The following SCN9A variants were observed in gnomAD, a reference collection of about 807,000 sequenced individuals.
The protein encoded by SCN9A is sodium channel protein type 9 subunit alpha.
SCN9A carries 131 observed loss-of-function variants against 187.0 expected under a neutral mutation model. That is an observed-to-expected ratio of 0.70 (90% CI 0.61 to 0.81). The LOEUF is 0.81. Among genes scored for constraint, SCN9A ranks in the 30% least tolerant of loss-of-function variants. The pLI is 0.00. For synonymous variants in SCN9A, 809 were observed against 808.6 expected, an observed-to-expected ratio of 1.00 and a Z score of -0.01; for missense variants, 2,252 against 2,396.6, an observed-to-expected ratio of 0.94 and a Z score of 1.26.
Position 166,286,426 on chromosome 2 carries a change from T to C in SCN9A, c.1512A>G (p.Glu504=), listed in dbSNP as rs1559012420. ...KGDAEKLSKS[E]SEDSIRRKSF... is the part of the protein sequence containing the mutation. ...TTTTTCTTCTGATGCTGTCCTCTGA[T>C]TCTGATTTCGACAATTTCTCAGCAT... Residue 504 remains glutamate, a synonymous_variant, in exon 11 of 27, where the codon GAA becomes GAG. Transcript: ENST00000642356. The C allele has an allele frequency of 6.2e-7, 1 of 1,613,990 alleles. No individual in the cohort carries two copies. The highest frequency in any genetic ancestry group is 1.7e-5 in the Admixed American group (1 of 60,016).
chr2:166,368,092 T>C (rs1023871561), intron 1 of SCN9A, among the ~76,000 whole-genome samples: 2 of 152,196 alleles, frequency 1.3e-5, no homozygotes, highest in Non-Finnish European at 1.5e-5. Flanking sequence ...TTCTTTCCTA[T>C]AAAAGAAATG....
chr2:166,214,585 G>A (rs1460870022), intron 24 of SCN9A, among the ~76,000 whole-genome samples: 1 of 117,102 alleles, frequency 8.5e-6, no homozygotes, highest in African/African-American at 3.5e-5. Flanking sequence ...CGCAATCTCG[G>A]CTCACTGCAA....
intron 1 of SCN9A, among the ~76,000 whole-genome samples, chr2:166,375,413 C>T (rs1700664870): frequency 6.6e-6 from 1 of 152,198 alleles, no homozygotes. Flanking sequence ...GCTACCCTTC[C>T]TTTCCACAGT....
At chr2:166,316,443 C>T (rs950825977) in intron 1 of SCN9A, among the ~76,000 whole-genome samples, 2 of 152,058 alleles carry the variant, frequency 1.3e-5, no homozygotes, top group African/African-American at 2.4e-5. Context: ...GCCTATAATC[C>T]CAGAACTTTG....
chr2:166,246,539 A>C (rs1300692975), intron 18 of SCN9A, among the ~76,000 whole-genome samples: 3 of 152,062 alleles, frequency 2.0e-5, no homozygotes, highest in Non-Finnish European at 2.9e-5. Flanking sequence ...TTTTCAGGGA[A>C]AATAAAAATA....
At chr2:166,356,630 C>T (rs1055967172) in intron 1 of SCN9A, among the ~76,000 whole-genome samples, 6 of 152,200 alleles carry the variant, frequency 3.9e-5, no homozygotes, top group Admixed American at 3.9e-4. Context: ...CTGTGGACAA[C>T]CACAGTACCA....
At chr2:166,253,278 C>T (rs1402173125) in intron 17 of SCN9A, among the ~76,000 whole-genome samples, 1 of 151,714 alleles carries the variant, frequency 6.6e-6, no homozygotes, top group Non-Finnish European at 1.5e-5. Context: ...TAATTATGAA[C>T]AACCTATTAA....
At position 166,212,555 on chromosome 2, in the gene SCN9A, C is replaced by G. The variant is rs1694144490; in HGVS notation, c.4399-8091G>C. ...ACCATAACAGTAGGATACATCAATACCCGACTTGCAATAATGAACAGAACA... is the reference window on the plus strand; with the variant it reads ...ACCATAACAGTAGGATACATCAATAGCCGACTTGCAATAATGAACAGAACA... On this transcript the variant is annotated intron_variant, in intron 24 of 26. Transcript: ENST00000642356. 3.3e-5 allele frequency among the ~76,000 whole-genome samples: 5 copies of G among 152,112 alleles called. No homozygotes were observed. The South Asian group carries it at 1.0e-3, about 32-fold the overall frequency.
At chr2:166,242,251 T>C (rs1695598277) in intron 19 of SCN9A, among the ~76,000 whole-genome samples, 1 of 150,582 alleles carries the variant, frequency 6.6e-6, no homozygotes, top group Non-Finnish European at 1.5e-5. Context: ...ATATTGCCAG[T>C]AAAATTCTCT....
intron 17 of SCN9A, among the ~76,000 whole-genome samples, chr2:166,266,447 CT>C (rs1170398211): frequency 6.6e-6 from 1 of 151,700 alleles, no homozygotes; most frequent in Non-Finnish European, 1.5e-5. Flanking sequence ...CAGTATCATT[CT>C]GTTTGGTTAC....
chr2:166,295,092 A>T (rs896925801), intron 7 of SCN9A, among the ~76,000 whole-genome samples: 1 of 152,230 alleles, frequency 6.6e-6, no homozygotes, highest in African/African-American at 2.4e-5. Flanking sequence ...CCTAAGTGTG[A>T]CAAAGAAGAC....
chr2:166,223,682 A>G (rs1181204823), intron 24 of SCN9A, among the ~76,000 whole-genome samples: 1 of 152,198 alleles, frequency 6.6e-6, no homozygotes, highest in Non-Finnish European at 1.5e-5. Context: ...TTAACAATAT[A>G]TATAGTATAC....
At chr2:166,274,746 A>T (rs564512973) in intron 16 of SCN9A, among the ~76,000 whole-genome samples, 1 of 152,290 alleles carries the variant, frequency 6.6e-6, no homozygotes, top group Non-Finnish European at 1.5e-5. Flanking sequence ...ACTCACCAAT[A>T]TATCCCCTCT....
intron 1 of SCN9A, among the ~76,000 whole-genome samples, chr2:166,322,958 T>A (rs1699279670): frequency 6.6e-6 from 1 of 152,118 alleles, no homozygotes; most frequent in South Asian, 2.1e-4. Context: ...AATACAAGAG[T>A]ATCCCTAGAA....
At chr2:166,304,820 A>G (rs577175836) in intron 5 of SCN9A, among the ~76,000 whole-genome samples, 1 of 152,210 alleles carries the variant, frequency 6.6e-6, no homozygotes, top group South Asian at 2.1e-4. Flanking sequence ...TGGGGTTGTT[A>G]AACTTCTCTA....
At chr2:166,277,698 T>C (rs1037653350) in intron 15 of SCN9A, 3 of 228,840 alleles carry the variant, frequency 1.3e-5, no homozygotes, top group Non-Finnish European at 2.6e-5. Context: ...TTAGATAAAA[T>C]CTAGCATATT....
intron 21 of SCN9A, 38 bp from the exon 22 acceptor site, chr2:166,229,010 G>A (rs1694970668): frequency 2.0e-6 from 3 of 1,534,422 alleles, no homozygotes; most frequent in African/African-American, 1.4e-5. Flanking sequence ...ATTAGGATTA[G>A]TAAGATGTTA....
intron 21 of SCN9A, among the ~76,000 whole-genome samples, chr2:166,233,111 T>C (rs1478731656): frequency 6.8e-6 from 1 of 148,050 alleles, no homozygotes; most frequent in East Asian, 2.0e-4. Context: ...ATGCATACTA[T>C]ATATAGTATA....
chr2:166,372,334 C>T (rs1443975617), intron 1 of SCN9A, among the ~76,000 whole-genome samples: 3 of 152,164 alleles, frequency 2.0e-5, no homozygotes, highest in Non-Finnish European at 4.4e-5. Context: ...CTTATGGCCT[C>T]CGCCTCATCT....
Sources: allele counts gnomAD v4.1 joint callset (sites outside exome capture counted in the v4.1 genomes callset), GRCh38; gene constraint gnomAD v4.1.1; transcripts MANE v1.5; gene names NCBI Gene and HGNC (gene_info 2026-07-23, HGNC 2026-07-21).